TTLL2: variants seen among roughly 807,000 people sequenced by gnomAD.
TTLL2 encodes the protein tubulin tyrosine ligase like 2.
A neutral mutation model predicts 7.5 loss-of-function variants in TTLL2; 10 were observed. That is an observed-to-expected ratio of 1.33 (90% confidence interval 0.82 to 2.25). The LOEUF is 2.25. Among genes scored for constraint, TTLL2 ranks in the 30% most tolerant of loss-of-function variants. The probability of loss-of-function intolerance (pLI) is 0.00; values close to 1 mark genes in which losing one functional copy is unlikely to be tolerated. For missense variants in TTLL2, 733 were observed against 735.7 expected, an observed-to-expected ratio of 1.00 and a Z score of 0.04; for synonymous variants, 284 against 280.3, an observed-to-expected ratio of 1.01 and a Z score of -0.13.
rs760268786 is a variant in TTLL2, at chr6:167,338,841, T to TTCCA, written c.204+41_204+42insATCC. On this transcript the variant is annotated intron_variant, in intron 2 of 2. Coordinates refer to ENST00000239587, the MANE Select transcript of TTLL2 (RefSeq NM_031949.5). ...GCCAGGTAGTTCCTTCCTTCCTTCC[T>TTCCA]TCCTTCCTTCCTTCCTTCCTTCCTT... 13 of 1,420,960 alleles carry TTCCA rather than the reference T, an allele frequency of 9.1e-6. No individual in the cohort carries two copies. The Admixed American group carries it at 2.0e-4, about 21-fold the overall frequency. 88.0% of individuals were successfully genotyped at this position (1,420,960 alleles called of 1,614,324 possible).
intron 1 of TTLL2, among the ~76,000 whole-genome samples, chr6:167,338,202 GCAACACA>G (rs1562372378): frequency 6.7e-6 from 1 of 149,594 alleles, no homozygotes; most frequent in East Asian, 2.0e-4. Flanking sequence ...CATACCACAT[GCAACACA>G]CAACACACAC....
At chr6:167,336,452 A>G (rs1419530179) in intron 1 of TTLL2, among the ~76,000 whole-genome samples, 1 of 152,122 alleles carries the variant, frequency 6.6e-6, no homozygotes, top group East Asian at 1.9e-4. Flanking sequence ...TTAATAATAT[A>G]CTATTTAGAA....
At position 167,341,535 on chromosome 6, in the gene TTLL2, T is replaced by G. The variant is rs936416701; in HGVS notation, c.1635T>G (p.Arg545=). 3.7e-6 allele frequency: 6 copies of G among 1,614,178 alleles called. No individual in the cohort carries two copies. The highest frequency in any genetic ancestry group is 4.2e-6 in the Non-Finnish European group (5 of 1,180,032). The change falls in exon 3 of 3, where the codon CGT becomes CGG. Residue 545 remains arginine, a synonymous_variant. Coordinates refer to ENST00000239587, the MANE Select transcript of TTLL2 (RefSeq NM_031949.5). ...CCTCCCCGTGTGTCCTGTCAGACCG[T>G]GGCAAAGCTCCAGATCCCCAAGCAG... ...TKTSPCVLSD[R]GKAPDPQAGN...
chr6:167,330,099 T>C (rs1210217365), intron 1 of TTLL2, among the ~76,000 whole-genome samples: 2 of 152,194 alleles, frequency 1.3e-5, no homozygotes. Flanking sequence ...GAATTTTGGG[T>C]TCAAAGCCAA....
chr6:167,338,316 C>G (rs1779017959), intron 1 of TTLL2, among the ~76,000 whole-genome samples: 1 of 151,798 alleles, frequency 6.6e-6, no homozygotes, highest in Non-Finnish European at 1.5e-5. Context: ...ACATGACACA[C>G]ATGCATGCCA....
chr6:167,331,745 TC>T (rs1411624409), intron 1 of TTLL2, among the ~76,000 whole-genome samples: 2 of 152,262 alleles, frequency 1.3e-5, no homozygotes, highest in African/African-American at 4.8e-5. Context: ...TCCTGGCCAA[TC>T]CCCGCAGCTG....
At chr6:167,326,073 A>G (rs750061325) in intron 1 of TTLL2, among the ~76,000 whole-genome samples, 9 of 152,140 alleles carry the variant, frequency 5.9e-5, no homozygotes, top group Non-Finnish European at 1.2e-4. Flanking sequence ...AGGCAAAGTC[A>G]GCTCTCCCAA....
Position 167,340,145 on chromosome 6 carries a change from C to A in TTLL2, c.245C>A (p.Ala82Asp). The A allele has an allele frequency of 6.2e-7, 1 of 1,600,288 alleles. No individual in the cohort carries two copies. The highest frequency in any genetic ancestry group is 8.5e-7 in the Non-Finnish European group (1 of 1,174,096). ...ATGGCGGAAGATGAACCTTCAGGGG[C>A]CCTCTTGAAGCCGCTGGTTTTTCGC... is the stretch of plus-strand genomic sequence containing the variant. ...HLMAEDEPSG[A>D]LLKPLVFRVD... Residue 82 changes from alanine to aspartate, a missense_variant, in exon 3 of 3, where the codon GCC becomes GAC. Transcript: ENST00000239587.
chr6:167,328,666 C>G (rs1378022352), intron 1 of TTLL2, among the ~76,000 whole-genome samples: 2 of 152,158 alleles, frequency 1.3e-5, no homozygotes, highest in Non-Finnish European at 2.9e-5. Context: ...CAGATGAGGA[C>G]TCTGACCTTA....
At position 167,338,500 on chromosome 6, in the gene TTLL2, A is replaced by G. The variant is rs79029929; in HGVS notation, c.48-147A>G. On this transcript the variant is annotated intron_variant, in intron 1 of 2. Transcript: ENST00000239587. ...ACACTGCTTGAAACTTATTGATAGC[A>G]TGGAACAATTTGAAAGCATTACTGC... The G allele has an allele frequency of 5.9e-3, 5,640 of 953,426 alleles. 199 individuals are homozygous for G. The African/African-American group carries it at 0.12, about 21-fold the overall frequency. The allele number at this position is 953,426 out of a possible 1,614,324, so 59.1% of individuals were successfully genotyped here.
At chr6:167,335,894 C>T (rs1221054971) in intron 1 of TTLL2, among the ~76,000 whole-genome samples, 122 of 148,294 alleles carry the variant, frequency 8.2e-4, no homozygotes, top group African/African-American at 2.8e-3. Flanking sequence ...GTGGGTGCAG[C>T]GCACCAGCAT....
rs1271263756 is a variant in TTLL2 at position 167,341,477 on chromosome 6, C to T, written c.1577C>T (p.Ser526Phe). ...TPHKTLMPYA[S>F]LFQSHSCKTK... is the part of the protein sequence containing the mutation. ...CACAAGACACTCATGCCCTACGCGT[C>T]CCTCTTCCAGTCGCACTCCTGCAAG... Residue 526 changes from serine to phenylalanine, a missense_variant, in exon 3 of 3, where the codon TCC becomes TTC. Physicochemically the swap from Ser to Phe is radical, Grantham distance 155 (BLOSUM62 -2). Transcript: ENST00000239587. The T allele has an allele frequency of 6.2e-7, 1 of 1,613,978 alleles. No individual in the cohort carries two copies. The highest frequency in any genetic ancestry group is 1.7e-5 in the Admixed American group (1 of 60,002).
intron 1 of TTLL2, among the ~76,000 whole-genome samples, chr6:167,337,779 A>G (rs1779008059): frequency 7.0e-6 from 1 of 141,916 alleles, no homozygotes; most frequent in Non-Finnish European, 1.5e-5. Flanking sequence ...GCACACACAC[A>G]CACACCACAC....
chr6:167,337,711 CTTTG>C (rs1017931631), intron 1 of TTLL2, among the ~76,000 whole-genome samples: 4 of 152,212 alleles, frequency 2.6e-5, no homozygotes, highest in African/African-American at 9.6e-5. Context: ...GCATTTTTAA[CTTTG>C]TTTAATCCAG....
At position 167,341,326 on chromosome 6, in the gene TTLL2, G is replaced by GT; in HGVS notation, c.1427dup (p.Ser477GlufsTer5). ...GGATGACTCTGTGGTGGAGAAAGCT[G>GT]TGAGTGTGCGTCCTGAAGCTGCACC... is the stretch of plus-strand genomic sequence containing the variant. On this transcript the variant is annotated frameshift_variant, in exon 3 of 3. Transcript: ENST00000239587. LOFTEE classifies it low-confidence loss of function (END_TRUNC). The GT allele has an allele frequency of 6.2e-7, 1 of 1,613,856 alleles. No individual in the cohort carries two copies. Among genetic ancestry groups the GT allele is most frequent in the East Asian group, 2.2e-5 (1 of 44,844 alleles).
chr6:167,325,220 G>T lies in TTLL2; in HGVS notation c.47G>T (p.Gly16Val). 1 of 1,569,842 alleles carries T rather than the reference G, an allele frequency of 6.4e-7. No homozygotes were observed. The highest frequency in any genetic ancestry group is 8.6e-7 in the Non-Finnish European group (1 of 1,158,170). ...TCCTCCACACAAAGCCAGGCGCTGG[G>T]GTAAGCGTAGGAGGCGACACGTAGG... The part of the protein sequence containing the change: ...LCSSTQSQAL[G>V]SLRTTTPAFT... Residue 16 changes from glycine to valine, a missense_variant and splice_region_variant, in exon 1 of 3, where the codon GGA becomes GTA. Physicochemically the swap from Gly to Val is moderately radical, Grantham distance 109. Transcript: ENST00000239587.
intron 1 of TTLL2, among the ~76,000 whole-genome samples, chr6:167,329,428 C>T (rs972703636): frequency 3.3e-5 from 5 of 152,072 alleles, no homozygotes; most frequent in Admixed American, 1.3e-4. Context: ...CTTGTAGGCC[C>T]GGAGAGCGGT....
chr6:167,336,862 T>G (rs1238739058), intron 1 of TTLL2, among the ~76,000 whole-genome samples: 1 of 152,222 alleles, frequency 6.6e-6, no homozygotes, highest in Non-Finnish European at 1.5e-5. Context: ...CCTTCAGAAT[T>G]GGGAGGTGGA....
Position 167,341,534 on chromosome 6 carries a change from G to A in TTLL2, c.1634G>A (p.Arg545His), listed in dbSNP as rs374325653. Reference sequence around the variant, plus strand: ...ACCTCCCCGTGTGTCCTGTCAGACCGTGGCAAAGCTCCAGATCCCCAAGCA... The same window carrying A: ...ACCTCCCCGTGTGTCCTGTCAGACCATGGCAAAGCTCCAGATCCCCAAGCA... ...TKTSPCVLSD[R>H]GKAPDPQAGN... Residue 545 changes from arginine (R) to histidine (H), a missense_variant, in exon 3 of 3, where the codon CGT (arginine) becomes CAT (histidine). Physicochemically the swap from Arg to His is conservative, Grantham distance 29 (BLOSUM62 0). Coordinates refer to ENST00000239587, the MANE Select transcript of TTLL2 (RefSeq NM_031949.5). 3.3e-5 allele frequency: 54 copies of A among 1,614,164 alleles called. No individual in the cohort carries two copies. The highest frequency in any genetic ancestry group is 8.0e-5 in the African/African-American group (6 of 75,024).
Sources: gnomAD v4.1 joint callset for allele counts (sites outside exome capture counted in the v4.1 genomes callset) on GRCh38, gnomAD v4.1.1 for gene constraint, MANE v1.5 for transcripts, NCBI Gene and HGNC (gene_info 2026-07-23, HGNC 2026-07-21) for gene names.